The following TNS1 variants were observed in gnomAD, a reference collection of about 807,000 sequenced individuals.
TNS1 encodes the protein tensin 1, also known as tensin-1.
A neutral mutation model predicts 168.6 loss-of-function variants in TNS1; 62 were observed. The observed-to-expected ratio is 0.37, with a 90% CI of 0.30 to 0.45. The LOEUF is 0.45. Ranked by LOEUF, TNS1 falls within the 20% of genes least tolerant of loss-of-function variation. TNS1 has a pLI of 1.00. For missense variants in TNS1, 2,240 were observed against 2,339.4 expected, an observed-to-expected ratio of 0.96 and a Z score of 0.88; for synonymous variants, 934 against 933.2, an observed-to-expected ratio of 1.00 and a Z score of -0.02.
intron 1 of TNS1, among the ~76,000 whole-genome samples, chr2:217,997,453 C>A (rs1252825556): frequency 6.6e-6 from 1 of 152,200 alleles, no homozygotes; most frequent in Non-Finnish European, 1.5e-5. Flanking sequence ...CTTTCTGACA[C>A]TGATGTTTCT....
At chr2:217,957,768 A>G (rs1225474328) in intron 3 of TNS1, among the ~76,000 whole-genome samples, 1 of 150,422 alleles carries the variant, frequency 6.6e-6, no homozygotes, top group Non-Finnish European at 1.5e-5. Flanking sequence ...GTCCTTATCT[A>G]TTAAAGATGC....
chr2:217,894,772 T>G (rs934874493), intron 9 of TNS1, among the ~76,000 whole-genome samples: 2 of 152,146 alleles, frequency 1.3e-5, no homozygotes, highest in Non-Finnish European at 2.9e-5. Context: ...ACCCAAGTGA[T>G]TCTGTGTACT....
rs1258974094 is a variant in TNS1, at chr2:217,807,193, CACG to C, written c.5375+879_5375+881del. ...ACAGCTATAAACAGCAATCCAAAAG[CACG>C]ACATTTACCTATTATAAAGTCAATC... On this transcript the variant is annotated intron_variant, in intron 32 of 32. Transcript: ENST00000682258. Among the ~76,000 whole-genome samples the C allele has an allele frequency of 2.0e-5, 3 of 152,304 alleles. No homozygotes were observed. The East Asian group carries it at 5.8e-4, about 29-fold the overall frequency.
intron 24 of TNS1, among the ~76,000 whole-genome samples, chr2:217,817,448 A>G (rs1942067834): frequency 1.3e-5 from 2 of 152,196 alleles, no homozygotes; most frequent in Non-Finnish European, 2.9e-5. Context: ...ACTATTCATT[A>G]TGATTTTTAT....
Position 217,804,255 on chromosome 2 carries a change from T to A in TNS1, c.*204A>T. ...GGAATCCAAGTTCTTCTCCTCCATC[T>A]TTCTCTCTCTCTCTCTCTCTCTCTC... On this transcript the variant is annotated 3_prime_UTR_variant, in exon 33 of 33. Transcript: ENST00000682258. 1 of 621,262 alleles carries A rather than the reference T, an allele frequency of 1.6e-6. No individual in the cohort carries two copies. Among genetic ancestry groups the A allele is most frequent in the Non-Finnish European group, 2.6e-6 (1 of 381,562 alleles). 38.5% of individuals were successfully genotyped at this position (621,262 alleles called of 1,614,324 possible).
At chr2:217,957,850 A>C (rs2125993697) in intron 3 of TNS1, among the ~76,000 whole-genome samples, 1 of 151,692 alleles carries the variant, frequency 6.6e-6, no homozygotes, top group African/African-American at 2.4e-5. Flanking sequence ...CAAAAAAAAA[A>C]AAAAAAAAAA....
At chr2:217,989,073 C>T (rs905847770) in intron 2 of TNS1, among the ~76,000 whole-genome samples, 3 of 152,136 alleles carry the variant, frequency 2.0e-5, no homozygotes, top group African/African-American at 7.2e-5. Context: ...AAGGGCATGG[C>T]CTGCTTGGCA....
At chr2:217,951,676 C>T (rs553414742) in intron 3 of TNS1, among the ~76,000 whole-genome samples, 1 of 152,208 alleles carries the variant, frequency 6.6e-6, no homozygotes, top group Non-Finnish European at 1.5e-5. Context: ...ACTCCCCATC[C>T]TCAAGGCGGC....
chr2:217,963,170 C>A (rs899759385), intron 3 of TNS1, among the ~76,000 whole-genome samples: 3 of 152,114 alleles, frequency 2.0e-5, no homozygotes, highest in Non-Finnish European at 4.4e-5. Context: ...GGAGTTCAAC[C>A]TGAGAGGTCC....
chr2:217,875,591 C>T (rs1270517465), intron 18 of TNS1, among the ~76,000 whole-genome samples: 1 of 152,176 alleles, frequency 6.6e-6, no homozygotes, highest in Non-Finnish European at 1.5e-5. Context: ...CCATGTCTCT[C>T]ATCTATTTAT....
At chr2:217,945,798 C>T (rs1472150778) in intron 3 of TNS1, among the ~76,000 whole-genome samples, 1 of 152,178 alleles carries the variant, frequency 6.6e-6, no homozygotes, top group Non-Finnish European at 1.5e-5. Flanking sequence ...TCCTCCTTAA[C>T]CCCTACCTGC....
chr2:218,008,359 G>A (rs1958678425), intron 1 of TNS1, among the ~76,000 whole-genome samples: 2 of 152,212 alleles, frequency 1.3e-5, no homozygotes, highest in African/African-American at 4.8e-5. Flanking sequence ...AAGGAGAGTG[G>A]AGTGAAGTGG....
intron 3 of TNS1, among the ~76,000 whole-genome samples, chr2:217,967,317 T>C (rs966697278): frequency 4.0e-5 from 6 of 151,638 alleles, no homozygotes; most frequent in Admixed American, 2.0e-4. Context: ...CGAGACTCGG[T>C]CTCAAAAATA....
chr2:217,902,265 C>G (rs1953090031), intron 6 of TNS1, among the ~76,000 whole-genome samples: 1 of 152,188 alleles, frequency 6.6e-6, no homozygotes, highest in South Asian at 2.1e-4. Flanking sequence ...CTAGGCCCTG[C>G]TCCAGGCCCC....
chr2:217,875,804 C>T (rs1950158388), intron 18 of TNS1, among the ~76,000 whole-genome samples: 1 of 152,206 alleles, frequency 6.6e-6, no homozygotes, highest in Admixed American at 6.5e-5. Flanking sequence ...CCCTTTAGAA[C>T]TAGAAGATCT....
At chr2:218,004,956 C>A (rs187818386), upstream of TNS1, among the ~76,000 whole-genome samples, 3 of 152,228 alleles carry the variant, frequency 2.0e-5, no homozygotes, top group Non-Finnish European at 2.9e-5. Flanking sequence ...CTCTGCAAAC[C>A]CTCCCGTCTC....
intron 2 of TNS1, among the ~76,000 whole-genome samples, chr2:217,979,722 A>C (rs1185860681): frequency 6.6e-6 from 1 of 151,904 alleles, no homozygotes; most frequent in Non-Finnish European, 1.5e-5. Context: ...GGGTCTCCCG[A>C]GTTGGGTTTT....
intron 22 of TNS1, among the ~76,000 whole-genome samples, chr2:217,827,052 A>G (rs1262941175): frequency 6.6e-6 from 1 of 152,126 alleles, no homozygotes; most frequent in East Asian, 1.9e-4. Context: ...AGATTGAGCC[A>G]CATGCCCCCT....
chr2:217,970,167 C>T (rs1344547162), intron 3 of TNS1, among the ~76,000 whole-genome samples: 2 of 152,160 alleles, frequency 1.3e-5, no homozygotes, highest in African/African-American at 2.4e-5. Context: ...CAAGGAAGGG[C>T]CCCTGCAGGT....
Sources: gnomAD v4.1 joint callset for allele counts (sites outside exome capture counted in the v4.1 genomes callset) on GRCh38, gnomAD v4.1.1 for gene constraint, MANE v1.5 for transcripts, NCBI Gene and HGNC (gene_info 2026-07-23, HGNC 2026-07-21) for gene names.